SUGCT: variants seen among roughly 807,000 people sequenced by gnomAD.
SUGCT encodes the protein succinyl-CoA:glutarate-CoA transferase, also known as succinyl-CoA:glutarate CoA-transferase.
Under a neutral mutation model 55.0 loss-of-function variants are expected in SUGCT, and 41 were observed. That is an observed-to-expected ratio of 0.74 (90% CI 0.58 to 0.97). The LOEUF is 0.97. Among genes scored for constraint, SUGCT ranks in the 50% least tolerant of loss-of-function variants. SUGCT has a pLI of 0.00. For synonymous variants in SUGCT, 187 were observed against 200.4 expected (o/e 0.93, Z 0.56); for missense variants, 568 against 547.8 (o/e 1.04, Z -0.37).
At chr7:40,930,776 C>G in the SUGCT span, among the ~76,000 whole-genome samples, 22 of 150,394 alleles carry the variant, frequency 1.5e-4, no homozygotes, top group Non-Finnish European at 2.6e-4. Context: ...GATTTTGTAT[C>G]CTGAGACTTT....
chr7:40,777,252 T>C (rs897149613), intron 13 of SUGCT, among the ~76,000 whole-genome samples: 14 of 152,196 alleles, frequency 9.2e-5, no homozygotes, highest in African/African-American at 3.4e-4. Flanking sequence ...GTTTTGATCC[T>C]ACTTGCTTTT....
At chr7:40,652,299 T>G (rs962845557) in intron 12 of SUGCT, among the ~76,000 whole-genome samples, 2 of 152,224 alleles carry the variant, frequency 1.3e-5, no homozygotes, top group African/African-American at 4.8e-5. Flanking sequence ...TTCACCCATT[T>G]TCTAACAGGC....
intron 9 of SUGCT, among the ~76,000 whole-genome samples, chr7:40,382,117 T>C (rs1784905388): frequency 6.6e-6 from 1 of 152,060 alleles, no homozygotes; most frequent in African/African-American, 2.4e-5. Flanking sequence ...CCTATAATAT[T>C]TAAAAATATA....
chr7:40,878,982 C>A, the SUGCT span, among the ~76,000 whole-genome samples: 1 of 151,924 alleles, frequency 6.6e-6, no homozygotes, highest in Non-Finnish European at 1.5e-5. Flanking sequence ...TTAATAGAGA[C>A]AGGGTTTCAC....
intron 13 of SUGCT, among the ~76,000 whole-genome samples, chr7:40,826,917 G>A (rs754159172): frequency 6.6e-6 from 1 of 152,142 alleles, no homozygotes. Context: ...GAGTAACTGA[G>A]AACTTGGCCA....
chr7:40,444,755 A>C (rs1788716796), intron 9 of SUGCT, among the ~76,000 whole-genome samples: 1 of 152,122 alleles, frequency 6.6e-6, no homozygotes, highest in African/African-American at 2.4e-5. Flanking sequence ...AACTTCCAAC[A>C]CTATGTTGAA....
chr7:40,675,410 C>T (rs2151877311), intron 12 of SUGCT, among the ~76,000 whole-genome samples: 1 of 152,226 alleles, frequency 6.6e-6, no homozygotes, highest in Non-Finnish European at 1.5e-5. Context: ...ATATATGTTG[C>T]CTATATGCAT....
intron 12 of SUGCT, among the ~76,000 whole-genome samples, chr7:40,641,854 A>C (rs1159501077): frequency 6.6e-6 from 1 of 152,220 alleles, no homozygotes; most frequent in African/African-American, 2.4e-5. Flanking sequence ...ACAGATTGAA[A>C]TGTGACACGG....
chr7:41,002,330 A>G, the SUGCT span, among the ~76,000 whole-genome samples: 2 of 152,298 alleles, frequency 1.3e-5, no homozygotes, highest in East Asian at 3.9e-4. Context: ...GGAGAATGCG[A>G]ACTTTATCCT....
chr7:40,220,987 A>G (rs1787986260), intron 6 of SUGCT, among the ~76,000 whole-genome samples: 1 of 152,200 alleles, frequency 6.6e-6, no homozygotes, highest in African/African-American at 2.4e-5. Context: ...TTTTAGAGTC[A>G]GTGTCTTTAT....
intron 12 of SUGCT, among the ~76,000 whole-genome samples, chr7:40,732,713 C>G (rs1303948043): frequency 6.6e-6 from 1 of 152,184 alleles, no homozygotes; most frequent in Non-Finnish European, 1.5e-5. Context: ...GCAGGAACCA[C>G]TTTTCTGGTT....
chr7:40,903,382 T>G, the SUGCT span, among the ~76,000 whole-genome samples: 1 of 151,492 alleles, frequency 6.6e-6, no homozygotes, highest in Non-Finnish European at 1.5e-5. Context: ...GGGGACAGAG[T>G]TCAGAAAGGG....
At chr7:40,738,480 A>G (rs868381279) in intron 12 of SUGCT, among the ~76,000 whole-genome samples, 7 of 152,304 alleles carry the variant, frequency 4.6e-5, no homozygotes, top group Middle Eastern at 6.8e-3. Context: ...AAAACTTAGA[A>G]AGGTTGCATA....
At chr7:41,034,740 CTTCA>C in the SUGCT span, among the ~76,000 whole-genome samples, 1 of 152,166 alleles carries the variant, frequency 6.6e-6, no homozygotes, top group Non-Finnish European at 1.5e-5. Context: ...TTCTTCCTTC[CTTCA>C]GTCTGCCCTT....
In SUGCT at chr7:40,249,319, A is replaced by ATCTATATATATATATC. The variant is rs1562612016; in HGVS notation, c.576+11594_576+11595insCTATATATATATATCT. Among the ~76,000 whole-genome samples the ATCTATATATATATATC allele has an allele frequency of 6.0e-4, 24 of 39,766 alleles. 1 individual carries two copies. Among genetic ancestry groups the ATCTATATATATATATC allele is most frequent in the Admixed American group, 1.8e-3 (6 of 3,320 alleles). The allele number at this position is 39,766 out of a possible 152,430, so 26.1% of individuals were successfully genotyped here. On this transcript the variant is annotated intron_variant, in intron 7 of 13. Coordinates refer to ENST00000335693, the MANE Select transcript of SUGCT (RefSeq NM_001193313.2). ...AACAAAAAACACCAAAAAGCTATAT[A>ATCTATATATATATATC]TATATATATATATATATATATATAT...
At chr7:40,322,643 A>G (rs959039545) in intron 9 of SUGCT, among the ~76,000 whole-genome samples, 9 of 152,172 alleles carry the variant, frequency 5.9e-5, no homozygotes, top group African/African-American at 1.9e-4. Flanking sequence ...GGTCTTGAGA[A>G]TAAGACTGTA....
At chr7:40,332,545 G>A (rs1796380240) in intron 9 of SUGCT, among the ~76,000 whole-genome samples, 1 of 149,764 alleles carries the variant, frequency 6.7e-6, no homozygotes, top group South Asian at 2.1e-4. Flanking sequence ...GGTGTGGATT[G>A]TTCTTTTTTG....
intron 9 of SUGCT, among the ~76,000 whole-genome samples, chr7:40,334,737 G>A (rs981202243): frequency 3.5e-4 from 53 of 152,252 alleles, no homozygotes; most frequent in East Asian, 1.9e-3. Context: ...CTTTTGCTGC[G>A]CGGAAGCTCT....
chr7:40,208,367 TAAAAAGTAG>T (rs1787120127), intron 6 of SUGCT, among the ~76,000 whole-genome samples: 1 of 152,136 alleles, frequency 6.6e-6, no homozygotes, highest in Non-Finnish European at 1.5e-5. Flanking sequence ...GCCACAATTT[TAAAAAGTAG>T]AGAAAAAAAG....
Sources: allele counts gnomAD v4.1 joint callset (sites outside exome capture counted in the v4.1 genomes callset), GRCh38; gene constraint gnomAD v4.1.1; transcripts MANE v1.5; gene names NCBI Gene and HGNC (gene_info 2026-07-23, HGNC 2026-07-21).